The following ATG2B variants were observed in gnomAD, a reference collection of about 807,000 sequenced individuals.
ATG2B encodes the protein autophagy-related protein 2 homolog B.
ATG2B carries 121 observed loss-of-function variants against 241.3 expected under a neutral mutation model. The ratio of observed to expected loss-of-function variants is 0.50; its 90% CI spans 0.43 to 0.58. ATG2B has a LOEUF of 0.58. ATG2B is among the 20% of genes least tolerant of loss of function. The probability of loss-of-function intolerance (pLI) is 0.00; values close to 1 mark genes in which losing one functional copy is unlikely to be tolerated. For synonymous variants in ATG2B, 858 were observed against 876.6 expected (o/e 0.98, Z 0.37); for missense variants, 2,306 against 2,491.6 (o/e 0.93, Z 1.59).
chr14:96,310,418 A>G (rs1018681269), intron 28 of ATG2B, among the ~76,000 whole-genome samples: 2 of 152,236 alleles, frequency 1.3e-5, no homozygotes, highest in African/African-American at 2.4e-5. Context: ...ATTTCTGTTC[A>G]TAAGAGAGAC....
At position 96,302,122 on chromosome 14, in the gene ATG2B, A is replaced by C; in HGVS notation, c.5038-14T>G. The C allele has an allele frequency of 6.4e-7, 1 of 1,552,000 alleles. No individual in the cohort carries two copies. The highest frequency in any genetic ancestry group is 8.9e-7 in the Non-Finnish European group (1 of 1,127,224). ...TTTCACTGTCAACTACAAGGCAAGA[A>C]AGAGAATAACATTTTTCCCCAATAA... On this transcript the variant is annotated splice_polypyrimidine_tract_variant and intron_variant, in intron 33 of 41. Coordinates refer to ENST00000359933, the MANE Select transcript of ATG2B (RefSeq NM_018036.7).
At chr14:96,333,630 G>T in intron 8 of ATG2B, 58 bp downstream of exon 8, 2 of 1,489,308 alleles carry the variant, frequency 1.3e-6, no homozygotes, top group Non-Finnish European at 1.8e-6. Flanking sequence ...AAAATTAAGT[G>T]TAATTTTATC....
chr14:96,340,138 G>A (rs1437270534), intron 6 of ATG2B, among the ~76,000 whole-genome samples: 2 of 74,314 alleles, frequency 2.7e-5, no homozygotes, highest in Non-Finnish European at 3.8e-5. Flanking sequence ...TATCATATAT[G>A]ATATATATGA....
intron 19 of ATG2B, 134 bp from the exon 20 acceptor site, chr14:96,317,451 T>A: frequency 2.5e-6 from 2 of 813,954 alleles, no homozygotes; most frequent in Non-Finnish European, 3.7e-6. Flanking sequence ...TACATACTGT[T>A]TTTCTCTTTA....
chr14:96,307,438 C>A (rs1460243824), intron 29 of ATG2B, among the ~76,000 whole-genome samples: 1 of 151,738 alleles, frequency 6.6e-6, no homozygotes, highest in East Asian at 1.9e-4. Flanking sequence ...CAAAAAACAA[C>A]AACTAATAAA....
At chr14:96,336,824 G>A (rs901132986) in intron 6 of ATG2B, among the ~76,000 whole-genome samples, 1 of 152,134 alleles carries the variant, frequency 6.6e-6, no homozygotes, top group African/African-American at 2.4e-5. Context: ...TTGACTACCT[G>A]TTCTGCTAAC....
intron 28 of ATG2B, among the ~76,000 whole-genome samples, chr14:96,310,876 GA>G (rs199808372): frequency 4.8e-5 from 7 of 144,812 alleles, no homozygotes; most frequent in Admixed American, 2.7e-4. Context: ...AACAAGTCTA[GA>G]AAAAAAAAAG....
In ATG2B at chr14:96,315,386, T is replaced by C. The variant is rs1887279768; in HGVS notation, c.3559A>G (p.Lys1187Glu). ...ILSDKSESNT[K>E]EFLIAVGLKG... ...GCATAAAAGTACAAAACACAAACCTTTGTATTGGACTCTGATTTATCAGAC... is the reference window on the plus strand; with the variant it reads ...GCATAAAAGTACAAAACACAAACCTCTGTATTGGACTCTGATTTATCAGAC... The change falls in exon 22 of 42, where the codon AAG becomes GAG. Residue 1187 changes from lysine (K) to glutamate (E), a missense_variant and splice_region_variant. This residue lies in a region of ATG2B where 1,927 missense variants were observed against 2,011.2 expected (regional missense o/e 0.96). Coordinates refer to ENST00000359933, the MANE Select transcript of ATG2B (RefSeq NM_018036.7). 6.2e-7 allele frequency: 1 copy of C among 1,613,872 alleles called. No homozygotes were observed. Among genetic ancestry groups the C allele is most frequent in the Non-Finnish European group, 8.5e-7 (1 of 1,179,748 alleles).
chr14:96,354,317 G>T (rs1446583691), intron 1 of ATG2B, among the ~76,000 whole-genome samples: 1 of 152,162 alleles, frequency 6.6e-6, no homozygotes, highest in Non-Finnish European at 1.5e-5. Flanking sequence ...AGTGGGTGTT[G>T]TTCCCACCAT....
intron 23 of ATG2B, among the ~76,000 whole-genome samples, chr14:96,314,047 A>G (rs1423182125): frequency 6.6e-6 from 1 of 152,094 alleles, no homozygotes; most frequent in African/African-American, 2.4e-5. Flanking sequence ...ACCAACATCT[A>G]TTCTTTCATA....
At position 96,313,102 on chromosome 14, in the gene ATG2B, T is replaced by G. The variant is rs529500826; in HGVS notation, c.3805A>C (p.Ser1269Arg). The change falls in exon 25 of 42, where the codon AGT becomes CGT. Residue 1269 changes from serine (S) to arginine (R), a missense_variant. Physicochemically the swap from Ser to Arg is moderately radical, Grantham distance 110. Around this residue, in one of 2 missense-constraint regions of ATG2B, gnomAD observed 1,927 missense variants for 2,011.2 expected, o/e 0.96. Coordinates refer to ENST00000359933, the MANE Select transcript of ATG2B (RefSeq NM_018036.7). ...LLTVETFSVS[S>R]SVALDKSSST... ...GAAGATTTATCCAATGCAACGCTAC[T>G]GGAAACACTGAATGTTTCCACGGTA... 7 of 1,613,634 alleles carry G rather than the reference T, an allele frequency of 4.3e-6. No individual in the cohort carries two copies. The East Asian group carries it at 1.6e-4, about 36-fold the overall frequency.
intron 41 of ATG2B, among the ~76,000 whole-genome samples, chr14:96,288,890 C>T (rs1402582205): frequency 1.3e-5 from 2 of 150,690 alleles, no homozygotes. Flanking sequence ...GAGATTCCAA[C>T]GGTTACTCCC....
At chr14:96,341,478 A>C in intron 6 of ATG2B, 44 bp downstream of exon 6, 1 of 1,437,294 alleles carries the variant, frequency 7.0e-7, no homozygotes, top group Non-Finnish European at 9.4e-7. Flanking sequence ...GAATACTTGT[A>C]CTTTTATTTT....
At position 96,289,870 on chromosome 14, in the gene ATG2B, G is replaced by A; in HGVS notation, c.5857-65C>T. 6.4e-7 allele frequency: 1 copy of A among 1,553,922 alleles called. No individual in the cohort carries two copies. The highest frequency in any genetic ancestry group is 1.1e-5 in the South Asian group (1 of 87,504). ...AAGTCTGAAGAGTTACGGACCAGCA[G>A]AGCACTTCCTACAGGGAGTGAGGAA... On this transcript the variant is annotated intron_variant, in intron 40 of 41. Transcript: ENST00000359933. This position sits in a 1 kb window ranked among gnomAD's most constrained non-coding sequence, Gnocchi z 4.3.
At chr14:96,348,258 T>C (rs1305964325) in intron 1 of ATG2B, among the ~76,000 whole-genome samples, 1 of 152,230 alleles carries the variant, frequency 6.6e-6, no homozygotes, top group Admixed American at 6.5e-5. Flanking sequence ...TTGCATGTTC[T>C]CACTTATCTA....
At chr14:96,326,471 T>C (rs1373636876) in intron 14 of ATG2B, among the ~76,000 whole-genome samples, 2 of 152,108 alleles carry the variant, frequency 1.3e-5, no homozygotes, top group African/African-American at 2.4e-5. Flanking sequence ...TGAGCTCCTA[T>C]CCAATCCAAG....
intron 1 of ATG2B, among the ~76,000 whole-genome samples, chr14:96,353,152 T>C (rs1382902995): frequency 1.3e-5 from 2 of 152,202 alleles, no homozygotes; most frequent in African/African-American, 2.4e-5. Context: ...CTGTACCCTA[T>C]AGCCTAGGTA....
rs1042538042 is a variant in ATG2B, at chr14:96,284,260, G to T, written c.*1495C>A. 9 of 152,162 alleles carry T rather than the reference G, an allele frequency of 5.9e-5. No homozygotes were observed. Among genetic ancestry groups the T allele is most frequent in the Admixed American group, 2.6e-4 (4 of 15,280 alleles). 9.4% of individuals were successfully genotyped at this position (152,162 alleles called of 1,614,324 possible). Reference sequence around the variant, plus strand: ...CCCGAATAAGAGATGGTCCCACGGTGCTTAAACAGGTGGTTACGCTGTTGT... The same window carrying T: ...CCCGAATAAGAGATGGTCCCACGGTTCTTAAACAGGTGGTTACGCTGTTGT... On this transcript the variant is annotated 3_prime_UTR_variant, in exon 42 of 42. Coordinates refer to ENST00000359933, the MANE Select transcript of ATG2B (RefSeq NM_018036.7).
At position 96,291,001 on chromosome 14, in the gene ATG2B, G is replaced by GT. The variant is rs1273351412; in HGVS notation, c.5580-67_5580-66insA. 83 of 1,392,742 alleles carry GT rather than the reference G, an allele frequency of 6.0e-5. No individual in the cohort carries two copies. The African/African-American group carries it at 1.1e-3, about 18-fold the overall frequency. The allele number at this position is 1,392,742 out of a possible 1,614,324, so 86.3% of individuals were successfully genotyped here. A position where few individuals can be genotyped will look rare whatever the true frequency, so the allele number is the denominator to read the frequency against. The stretch of plus-strand genomic sequence containing the variant: ...ATTTATAGACACAGATTAGTTTGAG[G>GT]GTTTTTTTTTACTTAAAACAAATTC... On this transcript the variant is annotated intron_variant, in intron 38 of 41. Coordinates refer to ENST00000359933, the MANE Select transcript of ATG2B (RefSeq NM_018036.7).
Sources: allele counts gnomAD v4.1 joint callset (sites outside exome capture counted in the v4.1 genomes callset), GRCh38; gene constraint gnomAD v4.1.1; regional missense constraint gnomAD v4.1.1; non-coding constraint Gnocchi (gnomAD v3.1); transcripts MANE v1.5; gene names NCBI Gene and HGNC (gene_info 2026-07-23, HGNC 2026-07-21).